The following CCSER2 variants were observed in gnomAD, a reference collection of about 807,000 sequenced individuals.
CCSER2 encodes serine-rich coiled-coil domain-containing protein 2.
CCSER2 carries 46 observed loss-of-function variants against 92.3 expected under a neutral mutation model. The observed-to-expected ratio is 0.50, with a 90% confidence interval of 0.39 to 0.64. The LOEUF (loss-of-function observed/expected upper bound fraction) is 0.64, where lower values mean the gene tolerates loss of function less well. Among genes scored for constraint, CCSER2 ranks in the 30% least tolerant of loss-of-function variants. The pLI is 0.00. For missense variants in CCSER2, 1,244 were observed against 1,238.9 expected (o/e 1.00, Z -0.06); for synonymous variants, 433 against 431.4 (o/e 1.00, Z -0.04).
At chr10:84,423,238 C>A (rs1319393850) in intron 4 of CCSER2, among the ~76,000 whole-genome samples, 1 of 152,166 alleles carries the variant, frequency 6.6e-6, no homozygotes, top group Non-Finnish European at 1.5e-5. Context: ...TATATAAACA[C>A]GTGATTGATG....
chr10:84,470,328 A>G (rs754610601), intron 7 of CCSER2, 44 bp from the exon 8 acceptor site: 1 of 1,055,614 alleles, frequency 9.5e-7, no homozygotes, highest in Non-Finnish European at 1.3e-6. Flanking sequence ...GCCTCTCATT[A>G]TGGTATTTTA....
intron 9 of CCSER2, among the ~76,000 whole-genome samples, chr10:84,499,673 A>G (rs917397311): frequency 3.3e-5 from 5 of 152,178 alleles, no homozygotes; most frequent in South Asian, 2.1e-4. Context: ...AATTTTTTAA[A>G]AAAATATTAA....
At chr10:84,385,704 T>A (rs1841163896) in intron 3 of CCSER2, among the ~76,000 whole-genome samples, 1 of 152,184 alleles carries the variant, frequency 6.6e-6, no homozygotes, top group Non-Finnish European at 1.5e-5. Flanking sequence ...AAAAGATTTA[T>A]GAGTAAGACC....
chr10:84,437,331 C>T (rs1318800639), intron 5 of CCSER2, among the ~76,000 whole-genome samples: 2 of 152,090 alleles, frequency 1.3e-5, no homozygotes, highest in African/African-American at 2.4e-5. Flanking sequence ...CCAGCCTGGC[C>T]AACATGGTGA....
chr10:84,455,628 T>C (rs2133608825), intron 6 of CCSER2: 2 of 626,974 alleles, frequency 3.2e-6, no homozygotes, highest in Admixed American at 2.0e-5. Context: ...TTGACCTTTT[T>C]TGAACTGCCT....
In CCSER2 at chr10:84,513,551, A is replaced by C; in HGVS notation, c.2428A>C (p.Ile810Leu). Residue 810 changes from isoleucine to leucine, a missense_variant, in exon 10 of 10, where the codon ATC becomes CTC. Ile to Leu is a conservative substitution (Grantham distance 5). Coordinates refer to ENST00000372088, the MANE Select transcript of CCSER2 (RefSeq NM_001284240.2). ...TATCGAGGCCCGCAGTGAATGCTCA[A>C]TCCAAGACATGCATCAGGGCGGTGC... ...QRIEARSECS[I>L]QDMHQGGAHP... is the part of the protein sequence containing the mutation. The C allele has an allele frequency of 6.2e-7, 1 of 1,614,118 alleles. No individual in the cohort carries two copies. The highest frequency in any genetic ancestry group is 8.5e-7 in the Non-Finnish European group (1 of 1,180,034).
At chr10:84,351,264 A>G (rs1844843434) in intron 1 of CCSER2, among the ~76,000 whole-genome samples, 1 of 151,836 alleles carries the variant, frequency 6.6e-6, no homozygotes. Flanking sequence ...CCTTTGAGAC[A>G]GAGTCTTCCT....
chr10:84,435,384 A>G (rs977583629), intron 5 of CCSER2, among the ~76,000 whole-genome samples: 3 of 152,206 alleles, frequency 2.0e-5, no homozygotes, highest in African/African-American at 7.2e-5. Flanking sequence ...ATTTATGTCA[A>G]TATATGTCCA....
At chr10:84,469,091 G>A (rs772946919) in intron 7 of CCSER2, among the ~76,000 whole-genome samples, 3 of 152,110 alleles carry the variant, frequency 2.0e-5, no homozygotes. Context: ...TAATATACTT[G>A]AGATATAAAT....
chr10:84,457,231 AATATATTATATATT>A (rs1308140170), intron 6 of CCSER2, among the ~76,000 whole-genome samples: 3 of 92,178 alleles, frequency 3.3e-5, no homozygotes, highest in Non-Finnish European at 4.1e-5. Context: ...ATTATATATA[AATATATTATATATT>A]ATATATTATA....
At chr10:84,437,125 C>T (rs1346349995) in intron 5 of CCSER2, among the ~76,000 whole-genome samples, 1 of 135,736 alleles carries the variant, frequency 7.4e-6, no homozygotes, top group Non-Finnish European at 1.6e-5. Flanking sequence ...AACTAGCCAA[C>T]CAAATACACA....
rs1849527452 is a variant in CCSER2, at chr10:84,514,445, A to G, written c.*178A>G. 1.7e-6 allele frequency: 1 copy of G among 582,540 alleles called. No individual in the cohort carries two copies. The highest frequency in any genetic ancestry group is 3.0e-6 in the Non-Finnish European group (1 of 334,902). The allele number at this position is 582,540 out of a possible 1,614,324, so 36.1% of individuals were successfully genotyped here. A position where few individuals can be genotyped will look rare whatever the true frequency, so the allele number is the denominator to read the frequency against. ...CTTCATTTTATATCCTGGTTGAAGT[A>G]CATGCCATTTGAGCATAATTATCTC... is the stretch of plus-strand genomic sequence containing the variant. On this transcript the variant is annotated 3_prime_UTR_variant, in exon 10 of 10. Coordinates refer to ENST00000372088, the MANE Select transcript of CCSER2 (RefSeq NM_001284240.2).
intron 3 of CCSER2, among the ~76,000 whole-genome samples, chr10:84,414,727 T>A (rs1408783955): frequency 6.6e-6 from 1 of 152,178 alleles, no homozygotes; most frequent in Non-Finnish European, 1.5e-5. Context: ...CTGGATGATA[T>A]CCTGAAGTAT....
At position 84,513,947 on chromosome 10, in the gene CCSER2, A is replaced by G; in HGVS notation, c.2824A>G (p.Ser942Gly). Residue 942 changes from serine (S) to glycine (G), a missense_variant, in exon 10 of 10, where the codon AGT (serine) becomes GGT (glycine). Transcript: ENST00000372088. ...GCCTCCAGTTTCTGAATCATCTCCAAGTAGGACTCCCACTTGTAAAAAGTC... is the reference window on the plus strand; with the variant it reads ...GCCTCCAGTTTCTGAATCATCTCCAGGTAGGACTCCCACTTGTAAAAAGTC... ...VPPPVSESSP[S>G]RTPTCKKSPI... The G allele has an allele frequency of 6.5e-7, 1 of 1,536,690 alleles. No homozygotes were observed. The highest frequency in any genetic ancestry group is 8.7e-7 in the Non-Finnish European group (1 of 1,147,028).
intron 1 of CCSER2, among the ~76,000 whole-genome samples, chr10:84,333,017 T>G (rs900413722): frequency 6.6e-6 from 1 of 152,192 alleles, no homozygotes; most frequent in Non-Finnish European, 1.5e-5. Context: ...ATGTTTTCAT[T>G]CTTTTTTCTG....
At chr10:84,395,993 A>G (rs1841809209) in intron 3 of CCSER2, among the ~76,000 whole-genome samples, 1 of 152,144 alleles carries the variant, frequency 6.6e-6, no homozygotes, top group Non-Finnish European at 1.5e-5. Flanking sequence ...GTATACACAC[A>G]CACTTCTCTT....
chr10:84,375,788 T>C (rs1846300987), intron 3 of CCSER2, among the ~76,000 whole-genome samples: 1 of 151,744 alleles, frequency 6.6e-6, no homozygotes, highest in African/African-American at 2.4e-5. Context: ...TGTATTGTTA[T>C]ACTTGGACTG....
chr10:84,481,658 A>G (rs574953662), intron 9 of CCSER2, among the ~76,000 whole-genome samples: 1 of 152,306 alleles, frequency 6.6e-6, no homozygotes, highest in African/African-American at 2.4e-5. Flanking sequence ...TGCTGTAGGC[A>G]TAGTACAGGA....
chr10:84,407,901 C>A (rs926282023), intron 3 of CCSER2, among the ~76,000 whole-genome samples: 2 of 151,892 alleles, frequency 1.3e-5, no homozygotes, highest in Admixed American at 6.6e-5. Context: ...ACTTAACTCA[C>A]AAAATGAGAC....
Sources: allele counts gnomAD v4.1 joint callset (sites outside exome capture counted in the v4.1 genomes callset), GRCh38; gene constraint gnomAD v4.1.1; transcripts MANE v1.5; gene names NCBI Gene and HGNC (gene_info 2026-07-23, HGNC 2026-07-21).